Variants in GRIK4 observed in about 807,000 individuals in gnomAD.
GRIK4 encodes glutamate ionotropic receptor kainate type subunit 4, also known as glutamate receptor ionotropic, kainate 4.
Under a neutral mutation model 104.9 loss-of-function variants are expected in GRIK4, and 40 were observed. The ratio of observed to expected loss-of-function variants is 0.38; its 90% CI spans 0.30 to 0.50. GRIK4 has a LOEUF of 0.50. Ranked by LOEUF, GRIK4 falls within the 20% of genes least tolerant of loss-of-function variation. The pLI is 0.93. For missense variants in GRIK4, 1,047 were observed against 1,308.1 expected (o/e 0.80, Z 3.08); for synonymous variants, 485 against 524.9 (o/e 0.92, Z 1.04).
intron 1 of GRIK4, chr11:120,564,352 A>C (rs1948281115): frequency 6.6e-6 from 1 of 151,796 alleles, no homozygotes; most frequent in South Asian, 2.1e-4. Flanking sequence ...GCTCGCGGGG[A>C]GGGGGCTCGG....
chr11:120,754,212 G>A (rs534760102), intron 3 of GRIK4, among the ~76,000 whole-genome samples: 1 of 152,014 alleles, frequency 6.6e-6, no homozygotes, highest in Non-Finnish European at 1.5e-5. Context: ...TGTATTTTTA[G>A]TAGATTGGCC....
At chr11:120,722,218 T>A (rs1224849085) in intron 3 of GRIK4, among the ~76,000 whole-genome samples, 2 of 152,186 alleles carry the variant, frequency 1.3e-5, no homozygotes, top group East Asian at 3.9e-4. Flanking sequence ...TAAAAATTTC[T>A]TGTGTTTATA....
chr11:120,920,777 A>G (rs921605072), intron 13 of GRIK4, among the ~76,000 whole-genome samples: 2 of 151,574 alleles, frequency 1.3e-5, no homozygotes, highest in Non-Finnish European at 3.0e-5. Context: ...TAGTATCTGA[A>G]TCTTCATGGG....
At chr11:120,876,831 G>C (rs897074846) in intron 11 of GRIK4, among the ~76,000 whole-genome samples, 3 of 152,224 alleles carry the variant, frequency 2.0e-5, no homozygotes, top group Admixed American at 2.0e-4. Context: ...GAGTCTAGTT[G>C]GGTAGGCCTA....
In GRIK4 at chr11:120,620,102, C is replaced by T. The variant is rs567499675; in HGVS notation, c.-158-33583C>T. Reference sequence around the variant, plus strand: ...TCTCTAAAACTGGCCTCATTGGTTTCGTTCTCAGCAAAATTGACCTGGGCC... The same window carrying T: ...TCTCTAAAACTGGCCTCATTGGTTTTGTTCTCAGCAAAATTGACCTGGGCC... On this transcript the variant is annotated intron_variant, in intron 1 of 20. Transcript: ENST00000527524. 133 of 747,700 alleles carry T rather than the reference C, an allele frequency of 1.8e-4. 1 individual carries two copies. Among genetic ancestry groups the T allele is most frequent in the Admixed American group, 2.7e-4 (15 of 55,546 alleles). The allele number at this position is 747,700 out of a possible 1,614,324, so 46.3% of individuals were successfully genotyped here. A position where few individuals can be genotyped will look rare whatever the true frequency, so the allele number is the denominator to read the frequency against.
intron 13 of GRIK4, among the ~76,000 whole-genome samples, chr11:120,932,147 C>A: frequency 7.3e-6 from 1 of 137,150 alleles, no homozygotes; most frequent in Admixed American, 7.6e-5. Context: ...AGCACACGTG[C>A]AATTTTACAA....
intron 3 of GRIK4, among the ~76,000 whole-genome samples, chr11:120,667,722 G>A (rs1379162394): frequency 6.6e-6 from 1 of 152,248 alleles, no homozygotes; most frequent in African/African-American, 2.4e-5. Flanking sequence ...GGTGGACCCA[G>A]CCAGCGAGGC....
At chr11:120,878,025 G>A (rs1317907649) in intron 11 of GRIK4, among the ~76,000 whole-genome samples, 4 of 152,194 alleles carry the variant, frequency 2.6e-5, no homozygotes, top group African/African-American at 7.2e-5. Flanking sequence ...CGCTGCTCAG[G>A]CTAGCTTGTG....
At chr11:120,768,398 G>A (rs941161429) in intron 3 of GRIK4, among the ~76,000 whole-genome samples, 21 of 151,770 alleles carry the variant, frequency 1.4e-4, no homozygotes, top group African/African-American at 5.1e-4. Context: ...TGTTTATTTT[G>A]TATACTGCAA....
At chr11:120,550,765 G>T (rs61900898) in intron 1 of GRIK4, among the ~76,000 whole-genome samples, 35,466 of 151,876 alleles carry the variant, frequency 0.23, 5,272 homozygotes, top group Admixed American at 0.43. Flanking sequence ...CAGTGAGGTG[G>T]TCACTGGTGA....
At chr11:120,566,527 T>C (rs1356047122) in intron 1 of GRIK4, among the ~76,000 whole-genome samples, 6 of 152,210 alleles carry the variant, frequency 3.9e-5, no homozygotes, top group African/African-American at 9.7e-5. Context: ...GTGCTGAGCA[T>C]ATGTGGCACA....
intron 1 of GRIK4, among the ~76,000 whole-genome samples, chr11:120,647,552 G>C (rs188125099): frequency 1.8e-3 from 273 of 152,350 alleles, no homozygotes; most frequent in African/African-American, 6.2e-3. Flanking sequence ...GCTCCTGCCA[G>C]ATTTGGTTTT....
intron 13 of GRIK4, among the ~76,000 whole-genome samples, chr11:120,906,103 A>G (rs1443189358): frequency 1.3e-5 from 2 of 152,242 alleles, no homozygotes; most frequent in African/African-American, 2.4e-5. Context: ...TCAGGTGAGC[A>G]TTGGAGAATG....
intron 13 of GRIK4, among the ~76,000 whole-genome samples, chr11:120,907,530 A>C (rs1942895650): frequency 6.6e-6 from 1 of 152,190 alleles, no homozygotes; most frequent in Admixed American, 6.5e-5. Context: ...TTAACCCATT[A>C]ATTCAATAAA....
At chr11:120,799,125 C>T (rs1952577539) in intron 3 of GRIK4, among the ~76,000 whole-genome samples, 1 of 152,176 alleles carries the variant, frequency 6.6e-6, no homozygotes, top group South Asian at 2.1e-4. Flanking sequence ...ATTCCCAGTC[C>T]CCAGGCCCAC....
rs1186137940 is a variant in GRIK4 at position 120,960,905 on chromosome 11, A to G, written c.1875-4A>G. 6.2e-7 allele frequency: 1 copy of G among 1,611,642 alleles called. No individual in the cohort carries two copies. Among genetic ancestry groups the G allele is most frequent in the Non-Finnish European group, 8.5e-7 (1 of 1,178,846 alleles). On this transcript the variant is annotated splice_polypyrimidine_tract_variant and splice_region_variant and intron_variant, in intron 16 of 20. Coordinates refer to ENST00000527524, the MANE Select transcript of GRIK4 (RefSeq NM_014619.5). ...TGATGACTTCCTCGTCTTTTCCTACATAGGTGGGCATTCACGCTGATCATC... is the reference window on the plus strand; with the variant it reads ...TGATGACTTCCTCGTCTTTTCCTACGTAGGTGGGCATTCACGCTGATCATC...
At chr11:120,613,614 T>C (rs1294963996) in intron 1 of GRIK4, among the ~76,000 whole-genome samples, 1 of 152,240 alleles carries the variant, frequency 6.6e-6, no homozygotes, top group African/African-American at 2.4e-5. Context: ...GCAGACATGA[T>C]GTGCAGGGAT....
At chr11:120,929,007 A>G (rs1407267673) in intron 13 of GRIK4, among the ~76,000 whole-genome samples, 1 of 135,042 alleles carries the variant, frequency 7.4e-6, no homozygotes, top group Non-Finnish European at 1.6e-5. Context: ...GCACGCGTGT[A>G]TGTGTGTGTG....
intron 1 of GRIK4, among the ~76,000 whole-genome samples, chr11:120,571,302 A>G (rs1406833662): frequency 1.3e-5 from 2 of 152,268 alleles, no homozygotes; most frequent in East Asian, 1.9e-4. Flanking sequence ...AGCTGAGGAC[A>G]TGGTGACGAC....
Sources: gnomAD v4.1 joint callset for allele counts (sites outside exome capture counted in the v4.1 genomes callset) on GRCh38, gnomAD v4.1.1 for gene constraint, MANE v1.5 for transcripts, NCBI Gene and HGNC (gene_info 2026-07-23, HGNC 2026-07-21) for gene names.